The following SECISBP2L variants were observed in gnomAD, a reference collection of about 807,000 sequenced individuals.
SECISBP2L encodes SECIS binding protein 2 like, also known as selenocysteine insertion sequence-binding protein 2-like.
A neutral mutation model predicts 114.7 loss-of-function variants in SECISBP2L; 43 were observed. That is an observed-to-expected ratio of 0.38 (90% CI 0.29 to 0.48). The LOEUF is 0.48. Among genes scored for constraint, SECISBP2L ranks in the 20% least tolerant of loss-of-function variants. The pLI is 0.98. For synonymous variants in SECISBP2L, 451 were observed against 439.7 expected (o/e 1.03, Z -0.32); for missense variants, 1,136 against 1,301.1 (o/e 0.87, Z 1.95).
rs1901959890 is a variant in SECISBP2L at position 48,990,838 on chromosome 15, G to A, written c.*1406C>T. On this transcript the variant is annotated 3_prime_UTR_variant, in exon 18 of 18. Transcript: ENST00000559471. ...AAAACACACACACGTACGGATGTGT[G>A]CATGTGTGTGAGGGGGGTGGGGGGG... 1 of 140,178 alleles carries A rather than the reference G, an allele frequency of 7.1e-6. No individual in the cohort carries two copies. Among genetic ancestry groups the A allele is most frequent in the Non-Finnish European group, 1.5e-5 (1 of 65,358 alleles). 8.7% of individuals were successfully genotyped at this position (140,178 alleles called of 1,614,324 possible).
chr15:49,017,012 C>T lies in SECISBP2L; in HGVS notation c.1255G>A (p.Asp419Asn), dbSNP rs780503193. Residue 419 changes from aspartate (D) to asparagine (N), a missense_variant, in exon 10 of 18, where the codon GAT becomes AAT. Transcript: ENST00000559471. ...IQQKLSSKVL[D>N]DLPENSPINI... is the part of the protein sequence containing the mutation. ...ATTGGTGAGTTTTCAGGTAAATCAT[C>T]CAACTATGATAACCAGAAAAAACAC... 41 of 1,610,576 alleles carry T rather than the reference C, an allele frequency of 2.5e-5. No individual in the cohort carries two copies. The highest frequency in any genetic ancestry group is 3.5e-5 in the Non-Finnish European group (41 of 1,178,904).
intron 11 of SECISBP2L, among the ~76,000 whole-genome samples, chr15:49,015,803 G>A (rs72741942): frequency 0.044 from 6,716 of 152,244 alleles, 243 homozygotes; most frequent in East Asian, 0.15. Context: ...CAGATTACTT[G>A]TGATTTTTTA....
intron 14 of SECISBP2L, among the ~76,000 whole-genome samples, chr15:49,004,704 AG>A (rs1452383495): frequency 6.6e-6 from 1 of 152,236 alleles, no homozygotes; most frequent in African/African-American, 2.4e-5. Context: ...GTAGTCATTC[AG>A]GAACAGGTTG....
At chr15:49,035,943 A>G (rs1055275921) in intron 2 of SECISBP2L, among the ~76,000 whole-genome samples, 50 of 152,314 alleles carry the variant, frequency 3.3e-4, no homozygotes, top group African/African-American at 1.2e-3. Flanking sequence ...CAATTCCTCA[A>G]GATATTTCTG....
In SECISBP2L at chr15:49,033,002, T is replaced by C; in HGVS notation, c.627A>G (p.Ser209=). The part of the protein sequence containing the change: ...ETNAAGPDSR[S]KIVLLVDASQ... The stretch of plus-strand genomic sequence containing the variant: ...AAGCATCTACCAGAAGCACAATTTT[T>C]GATCGACTATCAGGACCTGCTGCAT... Residue 209 remains serine (S), a synonymous_variant, in exon 4 of 18, where the codon TCA becomes TCG. Transcript: ENST00000559471. 6.2e-7 allele frequency: 1 copy of C among 1,614,114 alleles called. No individual in the cohort carries two copies. Among genetic ancestry groups the C allele is most frequent in the Non-Finnish European group, 8.5e-7 (1 of 1,179,982 alleles).
Position 49,016,828 on chromosome 15 carries a change from T to A in SECISBP2L, c.1419+20A>T. 6.2e-7 allele frequency: 1 copy of A among 1,605,490 alleles called. No individual in the cohort carries two copies. Among genetic ancestry groups the A allele is most frequent in the Non-Finnish European group, 8.5e-7 (1 of 1,176,388 alleles). On this transcript the variant is annotated intron_variant, in intron 10 of 17. Transcript: ENST00000559471. ...CTAGCAAGTAAACTATCACATTTGT[T>A]CATAAAAATGAATATGTACCTGTAA...
intron 3 of SECISBP2L, among the ~76,000 whole-genome samples, chr15:49,034,222 T>C (rs1388700007): frequency 6.6e-6 from 1 of 152,160 alleles, no homozygotes; most frequent in Non-Finnish European, 1.5e-5. Context: ...AGGGAAAGCA[T>C]CAACTCCTTG....
chr15:49,022,627 AC>A (rs1331058138), intron 7 of SECISBP2L, among the ~76,000 whole-genome samples: 1 of 152,160 alleles, frequency 6.6e-6, no homozygotes, highest in Non-Finnish European at 1.5e-5. Context: ...AAATAGGAAG[AC>A]ATACTGTTTT....
rs1335322983 is a variant in SECISBP2L at position 48,991,069 on chromosome 15, A to C, written c.*1175T>G. ...GATAAATAATAGTGAATAGAGAATT[A>C]ATACCTACATATCTGTATACTCTAA... On this transcript the variant is annotated 3_prime_UTR_variant, in exon 18 of 18. Coordinates refer to ENST00000559471, the MANE Select transcript of SECISBP2L (RefSeq NM_001193489.2). The C allele has an allele frequency of 6.6e-6, 1 of 152,208 alleles. No individual in the cohort carries two copies. Among genetic ancestry groups the C allele is most frequent in the African/African-American group, 2.4e-5 (1 of 41,456 alleles). 9.4% of individuals were successfully genotyped at this position (152,208 alleles called of 1,614,324 possible).
chr15:48,989,565 G>A lies in SECISBP2L; in HGVS notation c.*2679C>T, dbSNP rs76538309. On this transcript the variant is annotated 3_prime_UTR_variant, in exon 18 of 18. Coordinates refer to ENST00000559471, the MANE Select transcript of SECISBP2L (RefSeq NM_001193489.2). ...AAGCTAATATGAACATCTGTCTTTT[G>A]AGAAGTAATCTTCACAGCAAACAAA... 0.041 allele frequency: 6,182 copies of A among 152,638 alleles called. 246 individuals are homozygous for A. The highest frequency in any genetic ancestry group is 0.17 in the East Asian group (900 of 5,174). The allele number at this position is 152,638 out of a possible 1,614,324, so 9.5% of individuals were successfully genotyped here. A position where few individuals can be genotyped will look rare whatever the true frequency, so the allele number is the denominator to read the frequency against.
intron 2 of SECISBP2L, 59 bp downstream of exon 2, chr15:49,037,532 C>T (rs1440412558): frequency 2.7e-6 from 4 of 1,458,906 alleles, no homozygotes; most frequent in Admixed American, 1.9e-5. Flanking sequence ...ATATTAAGTG[C>T]ACTTTGCCAG....
intron 1 of SECISBP2L, among the ~76,000 whole-genome samples, chr15:49,038,337 CAT>C (rs1055373838): frequency 1.3e-5 from 2 of 151,500 alleles, no homozygotes; most frequent in Non-Finnish European, 2.9e-5. Context: ...TCCCAGTACA[CAT>C]GTGAGTAAAC....
Position 49,012,518 on chromosome 15 carries a change from G to A in SECISBP2L, c.1731+130C>T, listed in dbSNP as rs894794019. 4.5e-5 allele frequency: 41 copies of A among 905,094 alleles called. No homozygotes were observed. The South Asian group carries it at 4.6e-4, about 10-fold the overall frequency. The allele number at this position is 905,094 out of a possible 1,614,324, so 56.1% of individuals were successfully genotyped here. ...CTGAGCTTCAAATTAACACATTATC[G>A]TCAAGATTCATGTGTATGAATACTT... On this transcript the variant is annotated intron_variant, in intron 12 of 17. Transcript: ENST00000559471.
chr15:49,044,665 T>C (rs1903206925), intron 1 of SECISBP2L, among the ~76,000 whole-genome samples: 1 of 152,188 alleles, frequency 6.6e-6, no homozygotes, highest in South Asian at 2.1e-4. Flanking sequence ...TCCTAGTTCT[T>C]AAATTTCTAC....
In SECISBP2L at chr15:49,021,034, C is replaced by T. The variant is rs79547316; in HGVS notation, c.1036-1482G>A. ...AAAATCCCAATACGCCCTCCGCCCA[C>T]GAGACGGTATTTGAAAGTGCGGCCT... On this transcript the variant is annotated intron_variant, in intron 7 of 17. Coordinates refer to ENST00000559471, the MANE Select transcript of SECISBP2L (RefSeq NM_001193489.2). Among the ~76,000 whole-genome samples the T allele has an allele frequency of 5.4e-3, 822 of 152,236 alleles. 4 individuals are homozygous for T. Among genetic ancestry groups the T allele is most frequent in the African/African-American group, 0.019 (775 of 41,526 alleles).
chr15:48,996,922 T>C (rs575542886), intron 16 of SECISBP2L, among the ~76,000 whole-genome samples: 1 of 152,322 alleles, frequency 6.6e-6, no homozygotes, highest in South Asian at 2.1e-4. Context: ...ACATCAACTC[T>C]ACTCTCAAGG....
At chr15:49,011,984 C>T in intron 12 of SECISBP2L, 121 bp from the exon 13 acceptor site, 1 of 1,127,100 alleles carries the variant, frequency 8.9e-7, no homozygotes, top group South Asian at 1.7e-5. Flanking sequence ...AGAAGTTTGG[C>T]TAACTGGCAA....
intron 14 of SECISBP2L, among the ~76,000 whole-genome samples, chr15:49,005,560 C>CTTTTTTTTTT (rs752466722): frequency 2.7e-5 from 1 of 36,746 alleles, no homozygotes; most frequent in African/African-American, 1.3e-4. Context: ...GCAACCCCTG[C>CTTTTTTTTTT]TTTTTTTTTT....
chr15:49,015,453 A>AACCTGCAGGTTT (rs1902517938), intron 11 of SECISBP2L, among the ~76,000 whole-genome samples: 1 of 152,220 alleles, frequency 6.6e-6, no homozygotes, highest in Non-Finnish European at 1.5e-5. Flanking sequence ...ACACAGGTTA[A>AACCTGCAGGTTT]AATTATACAC....
Sources: allele counts gnomAD v4.1 joint callset (sites outside exome capture counted in the v4.1 genomes callset), GRCh38; gene constraint gnomAD v4.1.1; transcripts MANE v1.5; gene names NCBI Gene and HGNC (gene_info 2026-07-23, HGNC 2026-07-21).